Variants in ATG10 observed in about 807,000 individuals in gnomAD.
The protein encoded by ATG10 is ubiquitin-like-conjugating enzyme ATG10.
A neutral mutation model predicts 32.1 loss-of-function variants in ATG10; 30 were observed. The observed-to-expected ratio is 0.94, with a 90% confidence interval of 0.70 to 1.27. The LOEUF (loss-of-function observed/expected upper bound fraction) is 1.27. Among genes scored for constraint, ATG10 ranks in the 50% most tolerant of loss-of-function variants. The pLI is 0.00. For synonymous variants in ATG10, 87 were observed against 91.5 expected, an observed-to-expected ratio of 0.95 and a Z score of 0.28; for missense variants, 233 against 262.3, an observed-to-expected ratio of 0.89 and a Z score of 0.77.
intron 2 of ATG10, among the ~76,000 whole-genome samples, chr5:82,037,816 A>T (rs2149723685): frequency 6.6e-6 from 1 of 152,286 alleles, no homozygotes; most frequent in South Asian, 2.1e-4. Context: ...TAGTGATTAC[A>T]TTGACAGATT....
At chr5:82,160,215 C>T (rs111944321) in intron 3 of ATG10, among the ~76,000 whole-genome samples, 4 of 152,216 alleles carry the variant, frequency 2.6e-5, no homozygotes, top group Admixed American at 6.5e-5. Flanking sequence ...CACTAATCTG[C>T]GGTTTTTGAC....
At chr5:82,066,533 C>G (rs747531580) in intron 3 of ATG10, among the ~76,000 whole-genome samples, 1 of 152,064 alleles carries the variant, frequency 6.6e-6, no homozygotes, top group Non-Finnish European at 1.5e-5. Context: ...CCTTGTAGTT[C>G]ACTAACTGGG....
chr5:82,211,342 G>T (rs751559537), intron 5 of ATG10, among the ~76,000 whole-genome samples: 1 of 151,812 alleles, frequency 6.6e-6, no homozygotes, highest in Non-Finnish European at 1.5e-5. Flanking sequence ...ATAATCTACA[G>T]GTTCTGGATT....
intron 2 of ATG10, among the ~76,000 whole-genome samples, chr5:82,004,586 T>C (rs898425234): frequency 1.3e-5 from 2 of 152,192 alleles, no homozygotes; most frequent in African/African-American, 4.8e-5. Flanking sequence ...GATTAAACAC[T>C]GGGTTTTTTG....
At chr5:82,040,704 T>C (rs1763059077) in intron 2 of ATG10, among the ~76,000 whole-genome samples, 1 of 152,236 alleles carries the variant, frequency 6.6e-6, no homozygotes, top group African/African-American at 2.4e-5. Flanking sequence ...CAGATTTTTT[T>C]CCACTGTGAT....
chr5:82,091,397 C>A (rs577786289), intron 3 of ATG10, among the ~76,000 whole-genome samples: 1 of 151,992 alleles, frequency 6.6e-6, no homozygotes, highest in Admixed American at 6.6e-5. Context: ...TAGCTTTTTT[C>A]CTCTCCAATT....
intron 2 of ATG10, among the ~76,000 whole-genome samples, chr5:81,999,268 C>A (rs1761764330): frequency 6.6e-6 from 1 of 151,800 alleles, no homozygotes; most frequent in Non-Finnish European, 1.5e-5. Context: ...TGGAAATTAA[C>A]CTGCTCCTGA....
chr5:82,166,707 G>C (rs1232929209), intron 4 of ATG10, among the ~76,000 whole-genome samples: 12 of 151,978 alleles, frequency 7.9e-5, no homozygotes, highest in Non-Finnish European at 1.8e-4. Flanking sequence ...TGTCAGTGTG[G>C]TGAAAGGATT....
intron 3 of ATG10, among the ~76,000 whole-genome samples, chr5:82,079,926 T>C (rs1016855474): frequency 3.9e-5 from 6 of 152,214 alleles, no homozygotes; most frequent in African/African-American, 1.4e-4. Context: ...TTCTAGATCC[T>C]TGAGGAATCG....
At chr5:82,050,604 AG>A (rs35700926) in intron 2 of ATG10, among the ~76,000 whole-genome samples, 4 of 151,958 alleles carry the variant, frequency 2.6e-5, no homozygotes, top group African/African-American at 7.2e-5. Flanking sequence ...GTAGTATAAT[AG>A]GGGGTATAAT....
chr5:82,145,052 A>G (rs1581739784), intron 3 of ATG10, among the ~76,000 whole-genome samples: 1 of 152,116 alleles, frequency 6.6e-6, no homozygotes, highest in East Asian at 1.9e-4. Context: ...GTTTATCTTC[A>G]GTAATACTCT....
intron 3 of ATG10, among the ~76,000 whole-genome samples, chr5:82,120,692 C>T (rs182301684): frequency 2.0e-5 from 3 of 151,934 alleles, no homozygotes; most frequent in Non-Finnish European, 2.9e-5. Context: ...CTTTCCCTAA[C>T]AAATCTTACT....
At position 82,130,663 on chromosome 5, in the gene ATG10, C is replaced by T. The variant is rs544086656; in HGVS notation, c.217-33736C>T. 8.0e-4 allele frequency among the ~76,000 whole-genome samples: 122 copies of T among 152,210 alleles called. 1 individual carries two copies. The highest frequency in any genetic ancestry group is 2.6e-3 in the African/African-American group (107 of 41,548). On this transcript the variant is annotated intron_variant, in intron 3 of 7. Coordinates refer to ENST00000282185, the MANE Select transcript of ATG10 (RefSeq NM_031482.5). Reference sequence around the variant, plus strand: ...CCGCACTCTGCTTTGGCTAGCCCTCCGTGGGCTGCACCCACTGTCTAACCA... The same window carrying T: ...CCGCACTCTGCTTTGGCTAGCCCTCTGTGGGCTGCACCCACTGTCTAACCA...
At chr5:82,100,000 G>GCTTT (rs1765206299) in intron 3 of ATG10, among the ~76,000 whole-genome samples, 4 of 58,940 alleles carry the variant, frequency 6.8e-5, no homozygotes, top group Admixed American at 2.0e-4. Context: ...CTTTTTCTGT[G>GCTTT]TTTTTTTTTT....
At chr5:82,202,978 C>T (rs1561355210) in intron 5 of ATG10, among the ~76,000 whole-genome samples, 1 of 152,040 alleles carries the variant, frequency 6.6e-6, no homozygotes, top group Non-Finnish European at 1.5e-5. Flanking sequence ...CCTGTAATCC[C>T]AGCGCTTTGG....
At chr5:82,036,617 A>C (rs191624645) in intron 2 of ATG10, among the ~76,000 whole-genome samples, 47 of 152,218 alleles carry the variant, frequency 3.1e-4, no homozygotes, top group Non-Finnish European at 5.9e-5. Flanking sequence ...TTTTTTTACA[A>C]ATGCACTTTA....
chr5:82,048,874 C>T (rs1476749720), intron 2 of ATG10, among the ~76,000 whole-genome samples: 1 of 152,076 alleles, frequency 6.6e-6, no homozygotes, highest in Non-Finnish European at 1.5e-5. Context: ...GTTAGAATGG[C>T]AATCATTAAA....
intron 3 of ATG10, among the ~76,000 whole-genome samples, chr5:82,094,104 A>G (rs1285487411): frequency 6.6e-6 from 1 of 152,092 alleles, no homozygotes; most frequent in South Asian, 2.1e-4. Context: ...TCAGCACCTC[A>G]TCGCGGGAAG....
chr5:82,029,560 G>A (rs1374578023), intron 2 of ATG10, among the ~76,000 whole-genome samples: 1 of 152,174 alleles, frequency 6.6e-6, no homozygotes, highest in East Asian at 1.9e-4. Flanking sequence ...CAAGGACTGG[G>A]AGAGTATAAC....
Sources: gnomAD v4.1 joint callset for allele counts (sites outside exome capture counted in the v4.1 genomes callset) on GRCh38, gnomAD v4.1.1 for gene constraint, MANE v1.5 for transcripts, NCBI Gene and HGNC (gene_info 2026-07-23, HGNC 2026-07-21) for gene names.